SLC25A21: variants seen among roughly 807,000 people sequenced by gnomAD.
SLC25A21 encodes mitochondrial 2-oxodicarboxylate carrier.
SLC25A21 carries 47 observed loss-of-function variants against 43.8 expected under a neutral mutation model. The ratio of observed to expected loss-of-function variants is 1.07; its 90% CI spans 0.85 to 1.37. The LOEUF (loss-of-function observed/expected upper bound fraction) is 1.37, where lower values mean the gene tolerates loss of function less well. Ranked by LOEUF, SLC25A21 falls within the 40% of genes most tolerant of loss-of-function variation. The pLI is 0.00. For synonymous variants in SLC25A21, 131 were observed against 121.3 expected, an observed-to-expected ratio of 1.08 and a Z score of -0.52; for missense variants, 352 against 350.2, an observed-to-expected ratio of 1.00 and a Z score of -0.04.
chr14:37,140,666 A>G (rs1463229998), intron 1 of SLC25A21, among the ~76,000 whole-genome samples: 1 of 152,250 alleles, frequency 6.6e-6, no homozygotes, highest in African/African-American at 2.4e-5. Context: ...ACTGAATGTT[A>G]TATGAAGTAT....
At chr14:37,053,458 GGAAA>G (rs1253537947) in intron 1 of SLC25A21, among the ~76,000 whole-genome samples, 75 of 152,090 alleles carry the variant, frequency 4.9e-4, no homozygotes, top group Non-Finnish European at 1.5e-5. Context: ...CAGGTTAAAA[GGAAA>G]GAAAGGTTAA....
chr14:36,984,548 T>C (rs1960102958), intron 1 of SLC25A21, among the ~76,000 whole-genome samples: 1 of 97,546 alleles, frequency 1.0e-5, no homozygotes, highest in Non-Finnish European at 2.3e-5. Context: ...CTTGTTTAAA[T>C]ATTTTATAAT....
chr14:37,100,615 G>A (rs764855823), intron 1 of SLC25A21, among the ~76,000 whole-genome samples: 2 of 152,154 alleles, frequency 1.3e-5, no homozygotes, highest in Non-Finnish European at 2.9e-5. Flanking sequence ...AAAACAAGCA[G>A]ATCACTTCCC....
At chr14:36,963,568 T>C (rs1959545721) in intron 1 of SLC25A21, among the ~76,000 whole-genome samples, 1 of 152,212 alleles carries the variant, frequency 6.6e-6, no homozygotes, top group Non-Finnish European at 1.5e-5. Flanking sequence ...CCTGGTATTC[T>C]GAACCTTCTC....
intron 1 of SLC25A21, among the ~76,000 whole-genome samples, chr14:37,049,343 G>A (rs1192449743): frequency 6.6e-6 from 1 of 152,146 alleles, no homozygotes; most frequent in African/African-American, 2.4e-5. Flanking sequence ...AGGCCAAGGT[G>A]GGAGGATGGC....
At chr14:37,052,483 C>G (rs982568405) in intron 1 of SLC25A21, among the ~76,000 whole-genome samples, 6 of 152,154 alleles carry the variant, frequency 3.9e-5, no homozygotes, top group Non-Finnish European at 8.8e-5. Context: ...TGTTAAATAT[C>G]TTTGTTCTTT....
At chr14:36,846,460 C>CA (rs1363723840) in intron 2 of SLC25A21, among the ~76,000 whole-genome samples, 1 of 152,156 alleles carries the variant, frequency 6.6e-6, no homozygotes, top group Non-Finnish European at 1.5e-5. Context: ...CGGCTCACTG[C>CA]AACCTCCACC....
At chr14:37,094,214 A>C (rs1962642628) in intron 1 of SLC25A21, among the ~76,000 whole-genome samples, 1 of 152,122 alleles carries the variant, frequency 6.6e-6, no homozygotes, top group Non-Finnish European at 1.5e-5. Context: ...GGAATTAGAT[A>C]ATTTTTCTAA....
At position 36,883,577 on chromosome 14, in the gene SLC25A21, CCT is replaced by C. The variant is rs1384593107; in HGVS notation, c.71-8575_71-8574del. Among the ~76,000 whole-genome samples the C allele has an allele frequency of 3.3e-5, 5 of 152,170 alleles. No individual in the cohort carries two copies. The East Asian group carries it at 9.6e-4, about 29-fold the overall frequency. ...GAAATAAACTTCAAGAGAGCAGAGACCTTCATATTATCCATCGATATGCACTA... is the reference window on the plus strand; with the variant it reads ...GAAATAAACTTCAAGAGAGCAGAGACTCATATTATCCATCGATATGCACTA... On this transcript the variant is annotated intron_variant, in intron 1 of 9. Transcript: ENST00000331299.
At chr14:36,712,857 A>T (rs1309932532) in intron 6 of SLC25A21, among the ~76,000 whole-genome samples, 1 of 152,220 alleles carries the variant, frequency 6.6e-6, no homozygotes, top group Non-Finnish European at 1.5e-5. Flanking sequence ...GTGTTTCAGC[A>T]CATTGACTTT....
intron 3 of SLC25A21, chr14:36,809,246 A>C (rs1888149669): frequency 1.3e-5 from 2 of 152,174 alleles, no homozygotes; most frequent in Non-Finnish European, 2.9e-5. Flanking sequence ...GACACAGATG[A>C]AAAGTTGTGG....
intron 3 of SLC25A21, among the ~76,000 whole-genome samples, chr14:36,774,376 T>C (rs553569494): frequency 1.2e-4 from 18 of 152,338 alleles, no homozygotes; most frequent in African/African-American, 4.3e-4. Flanking sequence ...TTAGCAGATA[T>C]TCCATGTGAC....
chr14:36,775,455 A>C (rs1886787442), intron 3 of SLC25A21, among the ~76,000 whole-genome samples: 1 of 152,224 alleles, frequency 6.6e-6, no homozygotes, highest in Non-Finnish European at 1.5e-5. Context: ...TTCCCAAATC[A>C]AACACAGTCA....
At chr14:36,883,827 T>A (rs1287862211) in intron 1 of SLC25A21, among the ~76,000 whole-genome samples, 2 of 152,130 alleles carry the variant, frequency 1.3e-5, no homozygotes, top group Non-Finnish European at 2.9e-5. Context: ...TTTTAAAAAA[T>A]TATTTTATTT....
intron 7 of SLC25A21, among the ~76,000 whole-genome samples, chr14:36,690,963 A>T (rs1882771264): frequency 6.6e-6 from 1 of 152,208 alleles, no homozygotes. Flanking sequence ...TGGAGGAAGA[A>T]GATGAGAATG....
At chr14:36,727,311 A>G (rs539748602) in intron 5 of SLC25A21, among the ~76,000 whole-genome samples, 1 of 152,350 alleles carries the variant, frequency 6.6e-6, no homozygotes, top group East Asian at 1.9e-4. Flanking sequence ...CCCTGCTTAT[A>G]AAGTTATTTT....
chr14:36,811,144 C>G (rs1050802782), intron 3 of SLC25A21, among the ~76,000 whole-genome samples: 3 of 152,076 alleles, frequency 2.0e-5, no homozygotes, highest in Non-Finnish European at 4.4e-5. Context: ...AAGGATCATG[C>G]CACAAAAGCT....
intron 2 of SLC25A21, among the ~76,000 whole-genome samples, chr14:36,846,876 G>A (rs771866843): frequency 6.6e-6 from 1 of 152,094 alleles, no homozygotes; most frequent in South Asian, 2.1e-4. Flanking sequence ...TAATGTACAC[G>A]GGTCTTAGTC....
At chr14:36,830,122 T>G (rs1012255426) in intron 2 of SLC25A21, among the ~76,000 whole-genome samples, 25 of 152,206 alleles carry the variant, frequency 1.6e-4, no homozygotes, top group Admixed American at 5.9e-4. Flanking sequence ...AATCAGATTT[T>G]CACCACATTA....
Sources: gnomAD v4.1 joint callset for allele counts (sites outside exome capture counted in the v4.1 genomes callset) on GRCh38, gnomAD v4.1.1 for gene constraint, MANE v1.5 for transcripts, NCBI Gene and HGNC (gene_info 2026-07-23, HGNC 2026-07-21) for gene names.